Variants in USP13 observed in about 807,000 individuals in gnomAD.
The protein encoded by USP13 is ubiquitin specific peptidase 13, also known as ubiquitin carboxyl-terminal hydrolase 13.
Under a neutral mutation model 107.8 loss-of-function variants are expected in USP13, and 68 were observed. The observed-to-expected ratio is 0.63, with a 90% CI of 0.52 to 0.77. The LOEUF (loss-of-function observed/expected upper bound fraction) is 0.77, where lower values mean the gene tolerates loss of function less well. Ranked by LOEUF, USP13 falls within the 30% of genes least tolerant of loss-of-function variation. USP13 has a pLI of 0.00. For synonymous variants in USP13, 377 were observed against 389.5 expected (o/e 0.97, Z 0.38); for missense variants, 945 against 1,093.3 (o/e 0.86, Z 1.91).
intron 12 of USP13, among the ~76,000 whole-genome samples, chr3:179,743,094 C>A (rs979197086): frequency 1.3e-5 from 2 of 152,202 alleles, no homozygotes; most frequent in African/African-American, 2.4e-5. Context: ...GGAATGAGAT[C>A]ATGTCCTTTG....
intron 10 of USP13, among the ~76,000 whole-genome samples, chr3:179,734,464 G>A (rs1026091876): frequency 5.9e-5 from 9 of 152,084 alleles, no homozygotes; most frequent in African/African-American, 1.7e-4. Flanking sequence ...TTTCTTAAGC[G>A]ACAATTTATT....
At chr3:179,767,357 A>G (rs73056685) in intron 19 of USP13, among the ~76,000 whole-genome samples, 6,899 of 152,034 alleles carry the variant, frequency 0.045, 539 homozygotes, top group African/African-American at 0.16. Context: ...TAGAACCACA[A>G]TTCCAGTGCA....
intron 15 of USP13, among the ~76,000 whole-genome samples, 191 bp from the exon 16 acceptor site, chr3:179,756,861 G>T (rs914578488): frequency 1.3e-5 from 2 of 152,038 alleles, no homozygotes; most frequent in African/African-American, 4.8e-5. Context: ...TAACCTAAAC[G>T]CCTGAAAGCT....
At chr3:179,672,068 A>G (rs73052581) in intron 1 of USP13, among the ~76,000 whole-genome samples, 13,217 of 152,238 alleles carry the variant, frequency 0.087, 875 homozygotes, top group African/African-American at 0.18. Flanking sequence ...AAACATCATC[A>G]TAAACAAAGT....
In USP13 at chr3:179,786,999, AGTT is replaced by A. The variant is rs1715931583; in HGVS notation, c.*2859_*2861del. ...TGCCCATATAACTAATCAGAAATCC[AGTT>A]TGGTTCAGATTGGGATTTTCTTTTA... On this transcript the variant is annotated 3_prime_UTR_variant, in exon 21 of 21. Coordinates refer to ENST00000263966, the MANE Select transcript of USP13 (RefSeq NM_003940.3). The A allele has an allele frequency of 1.3e-5, 2 of 152,278 alleles. No homozygotes were observed. Among genetic ancestry groups the A allele is most frequent in the African/African-American group, 4.8e-5 (2 of 41,568 alleles). 9.4% of individuals were successfully genotyped at this position (152,278 alleles called of 1,614,324 possible). A position where few individuals can be genotyped will look rare whatever the true frequency, so the allele number is the denominator to read the frequency against.
At chr3:179,781,665 T>C (rs1715752000) in intron 19 of USP13, 74 bp from the exon 20 acceptor site, 2 of 1,361,242 alleles carry the variant, frequency 1.5e-6, no homozygotes, top group Non-Finnish European at 2.1e-6. Context: ...CTATGGTTGG[T>C]TTTAAATTCT....
intron 5 of USP13, 124 bp downstream of exon 5, chr3:179,707,200 A>G (rs946972175): frequency 7.8e-6 from 10 of 1,279,266 alleles, no homozygotes; most frequent in Non-Finnish European, 8.4e-6. Flanking sequence ...TATTAAAAGT[A>G]AATATAAAAC....
chr3:179,657,959 C>T (rs2108429947), intron 1 of USP13, among the ~76,000 whole-genome samples: 1 of 152,044 alleles, frequency 6.6e-6, no homozygotes, highest in South Asian at 2.1e-4. Flanking sequence ...TGTTGAGCTC[C>T]TCATTTCTAT....
chr3:179,683,764 TAC>T (rs1274400642), intron 2 of USP13, among the ~76,000 whole-genome samples: 1 of 152,222 alleles, frequency 6.6e-6, no homozygotes, highest in Non-Finnish European at 1.5e-5. Context: ...TCACATTTTT[TAC>T]AGTTGTTTTT....
At position 179,781,719 on chromosome 3, in the gene USP13, A is replaced by C. The variant is rs1190904932; in HGVS notation, c.2414-20A>C. ...TTCTGGAAATGCTGCCTTGTAACTGAGTTGTTTCCTCTTTCACAGCATATG... is the reference window on the plus strand; with the variant it reads ...TTCTGGAAATGCTGCCTTGTAACTGCGTTGTTTCCTCTTTCACAGCATATG... On this transcript the variant is annotated intron_variant, in intron 19 of 20. Coordinates refer to ENST00000263966, the MANE Select transcript of USP13 (RefSeq NM_003940.3). 6.2e-7 allele frequency: 1 copy of C among 1,609,834 alleles called. No individual in the cohort carries two copies. Among genetic ancestry groups the C allele is most frequent in the South Asian group, 1.1e-5 (1 of 90,768 alleles).
Position 179,653,652 on chromosome 3 carries a change from C to T in USP13, c.168+259C>T. 6.2e-6 allele frequency: 3 copies of T among 485,136 alleles called. No homozygotes were observed. Among genetic ancestry groups the T allele is most frequent in the Non-Finnish European group, 1.1e-5 (3 of 272,198 alleles). The allele number at this position is 485,136 out of a possible 1,614,324, so 30.1% of individuals were successfully genotyped here. ...CGATTCCCAGCAGCTTGCACACAGC[C>T]CCGCCGCCGTTTAAAGATAGATGAA... On this transcript the variant is annotated intron_variant, in intron 1 of 20. Transcript: ENST00000263966. The surrounding 1 kb of genome is among the most constrained non-coding windows in gnomAD (Gnocchi z 4.0).
chr3:179,732,443 G>A (rs558872503), intron 10 of USP13, among the ~76,000 whole-genome samples: 160 of 152,276 alleles, frequency 1.1e-3, no homozygotes, highest in Non-Finnish European at 1.8e-3. Flanking sequence ...TGAAGGAGCT[G>A]GGAGTCGGAC....
intron 18 of USP13, among the ~76,000 whole-genome samples, chr3:179,764,849 C>T (rs1715122911): frequency 6.6e-6 from 1 of 152,190 alleles, no homozygotes; most frequent in South Asian, 2.1e-4. Context: ...TCTTGCCTAT[C>T]CTGATGGGGT....
chr3:179,669,836 C>T (rs1166387311), intron 1 of USP13, among the ~76,000 whole-genome samples: 1 of 152,096 alleles, frequency 6.6e-6, no homozygotes, highest in Non-Finnish European at 1.5e-5. Flanking sequence ...TTCTTGACCC[C>T]CCCCTCCATA....
chr3:179,660,543 C>T (rs1345555162), intron 1 of USP13, among the ~76,000 whole-genome samples: 3 of 152,146 alleles, frequency 2.0e-5, no homozygotes, highest in East Asian at 1.9e-4. Flanking sequence ...TAATGGACAT[C>T]GGGTTGTTTC....
In USP13 at chr3:179,740,959, GT is replaced by G. The variant is rs1176281655; in HGVS notation, c.1380+590del. ...TTTTTGTATTTTTAGTAGAGATGGG[GT>G]TTCACCATGTTGGTCAGGCTGGTTT... is the stretch of plus-strand genomic sequence containing the variant. On this transcript the variant is annotated intron_variant, in intron 11 of 20. Transcript: ENST00000263966. 2.0e-5 allele frequency among the ~76,000 whole-genome samples: 3 copies of G among 151,948 alleles called. 1 individual carries two copies. The highest frequency in any genetic ancestry group is 4.4e-5 in the Non-Finnish European group (3 of 67,990).
At chr3:179,747,622 G>A (rs1386942722) in intron 13 of USP13, among the ~76,000 whole-genome samples, 3 of 152,206 alleles carry the variant, frequency 2.0e-5, no homozygotes, top group Non-Finnish European at 2.9e-5. Context: ...TGGGGACTGA[G>A]AGGCATTAGC....
At chr3:179,745,269 T>TGGGGGGGGGCTTGGGGGGGG in intron 13 of USP13, 52 bp downstream of exon 13, 1 of 1,048,196 alleles carries the variant, frequency 9.5e-7, no homozygotes, top group Admixed American at 2.3e-5. Context: ...CCTTGAGGGG[T>TGGGGGGGGGCTTGGGGGGGG]GGGGACAGGG....
intron 19 of USP13, among the ~76,000 whole-genome samples, chr3:179,770,951 G>A (rs1365653482): frequency 6.6e-6 from 1 of 152,134 alleles, no homozygotes; most frequent in Non-Finnish European, 1.5e-5. Flanking sequence ...TGGTGTTTGA[G>A]GAACCAAAAC....
Sources: gnomAD v4.1 joint callset for allele counts (sites outside exome capture counted in the v4.1 genomes callset) on GRCh38, gnomAD v4.1.1 for gene constraint, Gnocchi (gnomAD v3.1) non-coding constraint, MANE v1.5 for transcripts, NCBI Gene and HGNC (gene_info 2026-07-23, HGNC 2026-07-21) for gene names.